Variants in SLC24A3 observed in about 807,000 individuals in gnomAD.
SLC24A3 encodes the protein sodium/potassium/calcium exchanger 3.
In SLC24A3, 28 loss-of-function variants were observed where a neutral mutation model predicts 75.8. That is an observed-to-expected ratio of 0.37 (90% CI 0.27 to 0.51). The LOEUF (loss-of-function observed/expected upper bound fraction) is 0.51, where lower values mean the gene tolerates loss of function less well. SLC24A3 is among the 20% of genes least tolerant of loss of function. SLC24A3 has a pLI of 0.94. For missense variants in SLC24A3, 663 were observed against 847.8 expected (o/e 0.78, Z 2.71); for synonymous variants, 372 against 334.1 (o/e 1.11, Z -1.24).
chr20:19,440,695 T>C (rs1338237294), intron 2 of SLC24A3, among the ~76,000 whole-genome samples: 2 of 148,024 alleles, frequency 1.4e-5, no homozygotes, highest in Non-Finnish European at 3.0e-5. Flanking sequence ...GTAGAATGAA[T>C]GAATTTAGTA....
chr20:19,578,232 G>A lies in SLC24A3; in HGVS notation c.349-1768G>A, dbSNP rs147250344. 1.8e-3 allele frequency among the ~76,000 whole-genome samples: 278 copies of A among 152,212 alleles called. 2 individuals are homozygous for A. Among genetic ancestry groups the A allele is most frequent in the African/African-American group, 6.3e-3 (260 of 41,538 alleles). On this transcript the variant is annotated intron_variant, in intron 3 of 16. Transcript: ENST00000328041. ...GTGATTTTGATTTTAGACTGGAGCC[G>A]GGGCCAGGGGTCACATGGTGTCATT...
intron 6 of SLC24A3, among the ~76,000 whole-genome samples, chr20:19,612,419 T>G (rs184708751): frequency 6.6e-6 from 1 of 152,192 alleles, no homozygotes; most frequent in East Asian, 1.9e-4. Flanking sequence ...GGATTTTTAA[T>G]GTGCACAACA....
chr20:19,273,225 G>A (rs1983382370), intron 1 of SLC24A3, among the ~76,000 whole-genome samples: 1 of 152,146 alleles, frequency 6.6e-6, no homozygotes, highest in Admixed American at 6.5e-5. Flanking sequence ...GCCATGTAGG[G>A]GTCGGTGTCA....
intron 1 of SLC24A3, among the ~76,000 whole-genome samples, chr20:19,239,638 G>T (rs930401223): frequency 7.2e-5 from 11 of 152,222 alleles, no homozygotes; most frequent in African/African-American, 2.7e-4. Context: ...CGCATCAATT[G>T]CATGTCTGCA....
intron 3 of SLC24A3, among the ~76,000 whole-genome samples, chr20:19,576,059 C>T (rs1193804106): frequency 1.3e-5 from 2 of 152,124 alleles, no homozygotes; most frequent in Admixed American, 6.5e-5. Context: ...TAAGTTCCCA[C>T]ACCCTCTGCA....
intron 2 of SLC24A3, among the ~76,000 whole-genome samples, chr20:19,335,267 G>A (rs1004165793): frequency 2.0e-5 from 3 of 152,148 alleles, no homozygotes; most frequent in Non-Finnish European, 4.4e-5. Context: ...TGGTGTCCAC[G>A]GATATATATC....
intron 6 of SLC24A3, among the ~76,000 whole-genome samples, chr20:19,604,242 G>T (rs543540999): frequency 2.0e-5 from 3 of 151,558 alleles, no homozygotes; most frequent in African/African-American, 7.4e-5. Context: ...CCTAGTGGGA[G>T]TGAGGGGCTG....
Position 19,649,719 on chromosome 20 carries a change from G to A in SLC24A3, c.613-4343G>A, listed in dbSNP as rs531512488. On this transcript the variant is annotated intron_variant, in intron 6 of 16. Coordinates refer to ENST00000328041, the MANE Select transcript of SLC24A3 (RefSeq NM_020689.4). ...AGGAAAATCCCCATGGGAGGCAGTC[G>A]CAAGTGGGTGCCTGTTTTTCACCTT... 7.9e-5 allele frequency among the ~76,000 whole-genome samples: 12 copies of A among 152,254 alleles called. No individual in the cohort carries two copies. In the South Asian group the frequency reaches 1.7e-3, roughly 21 times the overall value.
chr20:19,455,832 A>G (rs908933114), intron 2 of SLC24A3, among the ~76,000 whole-genome samples: 1 of 152,218 alleles, frequency 6.6e-6, no homozygotes, highest in African/African-American at 2.4e-5. Context: ...ATGAAGATGG[A>G]GGCTAAATAA....
chr20:19,400,868 G>C (rs760746163), intron 2 of SLC24A3, among the ~76,000 whole-genome samples: 5 of 152,106 alleles, frequency 3.3e-5, no homozygotes, highest in Non-Finnish European at 5.9e-5. Flanking sequence ...CTTGAAAACT[G>C]TTTTATATAT....
At chr20:19,591,073 C>G (rs1330504925) in intron 6 of SLC24A3, among the ~76,000 whole-genome samples, 2 of 152,150 alleles carry the variant, frequency 1.3e-5, no homozygotes, top group Non-Finnish European at 2.9e-5. Context: ...TGACAGGGCC[C>G]CACACCTGAT....
chr20:19,231,515 G>C (rs973905022), intron 1 of SLC24A3, among the ~76,000 whole-genome samples: 1 of 152,210 alleles, frequency 6.6e-6, no homozygotes, highest in Non-Finnish European at 1.5e-5. Flanking sequence ...TCAGAATGAT[G>C]TCATTACTGG....
chr20:19,702,662 T>A lies in SLC24A3; in HGVS notation c.1719+3982T>A, dbSNP rs899224810. Among the ~76,000 whole-genome samples, 12 of 152,044 alleles carry A rather than the reference T, an allele frequency of 7.9e-5. 1 individual carries two copies. Among genetic ancestry groups the A allele is most frequent in the South Asian group, 2.1e-4 (1 of 4,814 alleles). ...TCATTTTATGCTGGGGATACAAACA[T>A]CCAATGCAGACCACTCTTTTGAAAG... On this transcript the variant is annotated intron_variant, in intron 15 of 16. Transcript: ENST00000328041.
At chr20:19,264,570 A>T (rs951424025) in intron 1 of SLC24A3, among the ~76,000 whole-genome samples, 1 of 151,858 alleles carries the variant, frequency 6.6e-6, no homozygotes, top group Non-Finnish European at 1.5e-5. Flanking sequence ...ACTAAAATAA[A>T]AAAAAAAAAT....
At chr20:19,451,576 CAAGAGTGAATGAATGA>C (rs1214002884) in intron 2 of SLC24A3, among the ~76,000 whole-genome samples, 1 of 152,128 alleles carries the variant, frequency 6.6e-6, no homozygotes, top group Non-Finnish European at 1.5e-5. Context: ...TCTGTTTTTG[CAAGAGTGAATGAATGA>C]AAGGTTGACT....
intron 3 of SLC24A3, among the ~76,000 whole-genome samples, chr20:19,533,175 C>A (rs531225971): frequency 6.6e-6 from 1 of 152,322 alleles, no homozygotes; most frequent in African/African-American, 2.4e-5. Flanking sequence ...TGCAGTCAGA[C>A]AACAGCTGGA....
intron 6 of SLC24A3, among the ~76,000 whole-genome samples, chr20:19,618,949 C>T (rs2031771160): frequency 6.6e-6 from 1 of 152,150 alleles, no homozygotes; most frequent in Non-Finnish European, 1.5e-5. Context: ...TCCCACAAAC[C>T]AAACTGTAAA....
chr20:19,678,014 G>C (rs1369269016), intron 9 of SLC24A3, among the ~76,000 whole-genome samples: 2 of 151,492 alleles, frequency 1.3e-5, no homozygotes, highest in African/African-American at 4.9e-5. Flanking sequence ...AGAGAGCACA[G>C]GGTTGGGGGG....
rs16981035 is a variant in SLC24A3 at position 19,721,869 on chromosome 20, G to A, written c.*729G>A. On this transcript the variant is annotated 3_prime_UTR_variant, in exon 17 of 17. Transcript: ENST00000328041. ...GACATTTTATAGCCAAGGACGCCTC[G>A]CTAAAGTCTTATGGGCGTCCCCTGG... The A allele has an allele frequency of 0.058, 8,909 of 152,708 alleles. 307 individuals are homozygous for A. The highest frequency in any genetic ancestry group is 0.11 in the Middle Eastern group (32 of 294). The allele number at this position is 152,708 out of a possible 1,614,324, so 9.5% of individuals were successfully genotyped here.
Sources: allele counts gnomAD v4.1 joint callset (sites outside exome capture counted in the v4.1 genomes callset), GRCh38; gene constraint gnomAD v4.1.1; transcripts MANE v1.5; gene names NCBI Gene and HGNC (gene_info 2026-07-23, HGNC 2026-07-21).